The following ACACA variants were observed in gnomAD, a reference collection of about 807,000 sequenced individuals.
ACACA encodes acetyl-CoA carboxylase 1.
ACACA carries 103 observed loss-of-function variants against 296.1 expected under a neutral mutation model. That is an observed-to-expected ratio of 0.35 (90% confidence interval 0.30 to 0.41). The LOEUF (loss-of-function observed/expected upper bound fraction) is 0.41, where lower values mean the gene tolerates loss of function less well. ACACA is among the 10% of genes least tolerant of loss of function. The pLI is 1.00. For synonymous variants in ACACA, 953 were observed against 1,038.6 expected, an observed-to-expected ratio of 0.92 and a Z score of 1.58; for missense variants, 1,554 against 2,989.7, an observed-to-expected ratio of 0.52 and a Z score of 11.20.
chr17:37,357,588 T>C (rs2049202117), intron 1 of ACACA, among the ~76,000 whole-genome samples: 1 of 152,194 alleles, frequency 6.6e-6, no homozygotes, highest in African/African-American at 2.4e-5. Flanking sequence ...ATCTTTCATA[T>C]GCCCACTTTA....
intron 45 of ACACA, among the ~76,000 whole-genome samples, chr17:37,131,775 T>A (rs1289706298): frequency 1.3e-5 from 2 of 152,248 alleles, no homozygotes; most frequent in African/African-American, 4.8e-5. Context: ...AGGAAGGGCA[T>A]AAGATACTTT....
chr17:37,291,080 C>CA (rs57643200), intron 3 of ACACA, among the ~76,000 whole-genome samples: 29,701 of 84,628 alleles, frequency 0.35, 4,984 homozygotes, highest in African/African-American at 0.53. Context: ...GACTCTGTCT[C>CA]AAAAAAAAAA....
At chr17:37,192,326 A>G (rs1198135091) in intron 36 of ACACA, 21 bp from the exon 37 acceptor site, 1 of 1,609,740 alleles carries the variant, frequency 6.2e-7, no homozygotes. Flanking sequence ...GAATCAGAGA[A>G]AAAACAGCTC....
At chr17:37,099,681 A>AGAGGGCTGATGGGAG (rs2073245175) in intron 52 of ACACA, among the ~76,000 whole-genome samples, 1 of 96,996 alleles carries the variant, frequency 1.0e-5, no homozygotes, top group African/African-American at 4.4e-5. Context: ...GCTGATGGCA[A>AGAGGGCTGATGGGAG]GAGGGCTGAT....
At chr17:37,336,744 CATT>C (rs1173751948) in intron 2 of ACACA, among the ~76,000 whole-genome samples, 1 of 152,142 alleles carries the variant, frequency 6.6e-6, no homozygotes, top group Non-Finnish European at 1.5e-5. Context: ...AGATATGGTA[CATT>C]AATAGATAAT....
chr17:37,281,419 C>A (rs1405233129), intron 5 of ACACA, among the ~76,000 whole-genome samples: 1 of 152,176 alleles, frequency 6.6e-6, no homozygotes, highest in Non-Finnish European at 1.5e-5. Context: ...TGTGTTCTCA[C>A]CGGACCCTGT....
In ACACA at chr17:37,252,883, C is replaced by T. The variant is rs775494624; in HGVS notation, c.1977+3G>A. On this transcript the variant is annotated splice_donor_region_variant and intron_variant, in intron 15 of 55. Coordinates refer to ENST00000616317, the MANE Select transcript of ACACA (RefSeq NM_198834.3). ...CAGCATCTGTTTGTGGAGAAATACACACCTGTACTTTTTCTGCTATCAGTC... is the reference window on the plus strand; with the variant it reads ...CAGCATCTGTTTGTGGAGAAATACATACCTGTACTTTTTCTGCTATCAGTC... The T allele has an allele frequency of 1.2e-6, 2 of 1,614,144 alleles. No individual in the cohort carries two copies. Among genetic ancestry groups the T allele is most frequent in the South Asian group, 1.1e-5 (1 of 91,084 alleles).
chr17:37,130,311 C>T, intron 45 of ACACA, 93 bp from the exon 46 acceptor site: 1 of 1,476,560 alleles, frequency 6.8e-7, no homozygotes. Flanking sequence ...TTCTTTTCTC[C>T]ACAAAACAGA....
intron 7 of ACACA, among the ~76,000 whole-genome samples, chr17:37,276,691 A>G (rs1362320964): frequency 6.6e-6 from 1 of 152,206 alleles, no homozygotes; most frequent in Non-Finnish European, 1.5e-5. Context: ...CTGAGTATTC[A>G]ATTATCTTCA....
At position 37,181,181 on chromosome 17, in the gene ACACA, C is replaced by T; in HGVS notation, c.4932+20G>A. 6.2e-7 allele frequency: 1 copy of T among 1,613,836 alleles called. No individual in the cohort carries two copies. The highest frequency in any genetic ancestry group is 8.5e-7 in the Non-Finnish European group (1 of 1,179,802). ...CTTGCCTCCTTAGAACATGTCAGAC[C>T]CTCCAGTTAGGCATCTTACCTGCCG... On this transcript the variant is annotated intron_variant, in intron 40 of 55. Transcript: ENST00000616317.
intron 24 of ACACA, among the ~76,000 whole-genome samples, chr17:37,239,721 A>G (rs1257258428): frequency 6.6e-6 from 1 of 152,222 alleles, no homozygotes; most frequent in Non-Finnish European, 1.5e-5. Flanking sequence ...CGTGGGATAA[A>G]GCCAACTTGG....
intron 3 of ACACA, among the ~76,000 whole-genome samples, chr17:37,316,472 T>C (rs1038633578): frequency 6.7e-6 from 1 of 149,806 alleles, no homozygotes; most frequent in South Asian, 2.3e-4. Flanking sequence ...TTAGAAATAA[T>C]GTTAAGCACC....
chr17:37,098,034 C>G (rs1162729850), intron 52 of ACACA, 50 bp from the exon 53 acceptor site: 1 of 1,612,886 alleles, frequency 6.2e-7, no homozygotes, highest in Admixed American at 1.7e-5. Context: ...CCAGGAATCT[C>G]TCTGCACAAA....
intron 52 of ACACA, among the ~76,000 whole-genome samples, chr17:37,102,264 G>C (rs944532882): frequency 8.0e-5 from 12 of 149,214 alleles, no homozygotes; most frequent in African/African-American, 3.0e-4. Flanking sequence ...GAGTGCAGTG[G>C]CACGATCTCG....
At chr17:37,159,744 TTAGG>T (rs2076390858) in intron 42 of ACACA, among the ~76,000 whole-genome samples, 1 of 152,178 alleles carries the variant, frequency 6.6e-6, no homozygotes, top group Non-Finnish European at 1.5e-5. Flanking sequence ...ATGTATGTAC[TTAGG>T]TAGCCACCAC....
At chr17:37,226,674 A>C (rs1472433901) in intron 25 of ACACA, among the ~76,000 whole-genome samples, 1 of 152,218 alleles carries the variant, frequency 6.6e-6, no homozygotes, top group Non-Finnish European at 1.5e-5. Flanking sequence ...AAAATTCCTA[A>C]TGTATTTCCT....
chr17:37,379,153 CA>C, intron 1 of ACACA: 2 of 1,613,306 alleles, frequency 1.2e-6, no homozygotes, highest in Non-Finnish European at 1.7e-6. Context: ...ACACAGAAAC[CA>C]AAAGGACAAC....
chr17:37,360,758 AT>A (rs1177440501), intron 1 of ACACA, among the ~76,000 whole-genome samples: 2 of 152,200 alleles, frequency 1.3e-5, no homozygotes, highest in South Asian at 2.1e-4. Flanking sequence ...AGGGATTCAT[AT>A]TTCACAATAA....
chr17:37,388,913 T>A, intron 1 of ACACA: 1 of 1,300,862 alleles, frequency 7.7e-7, no homozygotes, highest in Non-Finnish European at 1.1e-6. Flanking sequence ...GATGTGCCAC[T>A]CACACTCACT....
Sources: gnomAD v4.1 joint callset for allele counts (sites outside exome capture counted in the v4.1 genomes callset) on GRCh38, gnomAD v4.1.1 for gene constraint, MANE v1.5 for transcripts, NCBI Gene and HGNC (gene_info 2026-07-23, HGNC 2026-07-21) for gene names.